FAF1: variants seen among roughly 807,000 people sequenced by gnomAD.
FAF1 encodes the protein Fas associated factor 1, also known as FAS-associated factor 1.
In FAF1, 25 loss-of-function variants were observed where a neutral mutation model predicts 92.5. The ratio of observed to expected loss-of-function variants is 0.27; its 90% CI spans 0.20 to 0.38. The LOEUF is 0.38. Among genes scored for constraint, FAF1 ranks in the 10% least tolerant of loss-of-function variants. The pLI is 1.00. For synonymous variants in FAF1, 234 were observed against 273.2 expected (o/e 0.86, Z 1.42); for missense variants, 636 against 793.3 (o/e 0.80, Z 2.38).
chr1:50,880,432 G>A lies in FAF1; in HGVS notation c.46-22435C>T, dbSNP rs117743346. ...GCCCTAACTCCCAATGTGGCTGGCC[G>A]TATTCGGAGTAAGGAAATAATTAAG... is the stretch of plus-strand genomic sequence containing the variant. On this transcript the variant is annotated intron_variant, in intron 1 of 18. Transcript: ENST00000396153. Among the ~76,000 whole-genome samples, 752 of 152,278 alleles carry A rather than the reference G, an allele frequency of 4.9e-3. 32 individuals are homozygous for A. The East Asian group carries it at 0.082, about 17-fold the overall frequency.
chr1:50,833,136 G>A (rs1021713377), intron 2 of FAF1, among the ~76,000 whole-genome samples: 3 of 152,032 alleles, frequency 2.0e-5, no homozygotes, highest in Admixed American at 2.0e-4. Flanking sequence ...CAGAGTTAGT[G>A]TCAGACTCCG....
At chr1:50,805,124 T>A (rs1662142148) in intron 2 of FAF1, among the ~76,000 whole-genome samples, 1 of 152,186 alleles carries the variant, frequency 6.6e-6, no homozygotes, top group African/African-American at 2.4e-5. Flanking sequence ...TTGGTCAAAA[T>A]AATAGAGAAC....
chr1:50,527,138 G>T (rs1647853797), intron 15 of FAF1, among the ~76,000 whole-genome samples: 1 of 152,144 alleles, frequency 6.6e-6, no homozygotes, highest in Non-Finnish European at 1.5e-5. Flanking sequence ...TTACAGGAGT[G>T]AGCCACTGTG....
At chr1:50,599,819 G>C (rs1203214310) in intron 8 of FAF1, among the ~76,000 whole-genome samples, 1 of 152,072 alleles carries the variant, frequency 6.6e-6, no homozygotes, top group African/African-American at 2.4e-5. Context: ...ATTTGGATTT[G>C]GTATTTAGAC....
intron 7 of FAF1, among the ~76,000 whole-genome samples, chr1:50,689,128 T>C (rs1189530853): frequency 6.6e-6 from 1 of 152,242 alleles, no homozygotes; most frequent in Non-Finnish European, 1.5e-5. Flanking sequence ...AGAATGTGAA[T>C]GTTACTTGAT....
At chr1:50,506,470 C>T (rs1647059695) in intron 15 of FAF1, among the ~76,000 whole-genome samples, 1 of 152,156 alleles carries the variant, frequency 6.6e-6, no homozygotes, top group African/African-American at 2.4e-5. Context: ...AAATCACATT[C>T]ATCTTTCAGG....
intron 7 of FAF1, among the ~76,000 whole-genome samples, chr1:50,660,363 A>T (rs1479958988): frequency 6.6e-6 from 1 of 152,214 alleles, no homozygotes; most frequent in African/African-American, 2.4e-5. Context: ...TGAGCTAAAT[A>T]TCTATCAAAC....
intron 12 of FAF1, among the ~76,000 whole-genome samples, chr1:50,582,174 G>A (rs572728129): frequency 4.8e-4 from 73 of 152,162 alleles, no homozygotes; most frequent in Middle Eastern, 6.8e-3. Context: ...AGTCATTTGC[G>A]TAACTGAAAA....
At chr1:50,846,456 C>T (rs1285063724) in intron 2 of FAF1, 2 of 452,604 alleles carry the variant, frequency 4.4e-6, no homozygotes, top group South Asian at 1.7e-5. Flanking sequence ...CCGCACGCAT[C>T]GAGCCTCCAG....
chr1:50,553,370 A>G (rs1044057451), intron 13 of FAF1, among the ~76,000 whole-genome samples: 2 of 152,248 alleles, frequency 1.3e-5, no homozygotes, highest in African/African-American at 4.8e-5. Flanking sequence ...ATTATCAAGA[A>G]TGATGACAGG....
chr1:50,809,108 G>A (rs1011492557), intron 2 of FAF1, among the ~76,000 whole-genome samples: 2 of 152,102 alleles, frequency 1.3e-5, no homozygotes, highest in Admixed American at 6.5e-5. Flanking sequence ...GAAACTCTGG[G>A]ACATAGCTAA....
intron 1 of FAF1, among the ~76,000 whole-genome samples, chr1:50,942,037 C>G (rs1645137679): frequency 6.6e-6 from 1 of 152,146 alleles, no homozygotes; most frequent in African/African-American, 2.4e-5. Flanking sequence ...ATCTGAGTTC[C>G]AATCCCACCC....
intron 2 of FAF1, among the ~76,000 whole-genome samples, chr1:50,849,093 C>A (rs776621994): frequency 6.6e-6 from 1 of 151,900 alleles, no homozygotes; most frequent in Admixed American, 6.6e-5. Context: ...CCCGCCTCTA[C>A]TAAAAATACA....
chr1:50,548,521 T>C (rs967786831), intron 13 of FAF1, among the ~76,000 whole-genome samples: 1 of 152,234 alleles, frequency 6.6e-6, no homozygotes, highest in Non-Finnish European at 1.5e-5. Flanking sequence ...CTTTTTCTCT[T>C]CCAACTACTT....
chr1:50,591,950 C>CT (rs1232985526), intron 9 of FAF1, among the ~76,000 whole-genome samples: 2 of 152,044 alleles, frequency 1.3e-5, no homozygotes, highest in Non-Finnish European at 2.9e-5. Flanking sequence ...CTCCTCTAGT[C>CT]TTTTTTTATT....
intron 2 of FAF1, among the ~76,000 whole-genome samples, chr1:50,827,472 C>T: frequency 6.6e-6 from 1 of 152,116 alleles, no homozygotes; most frequent in Non-Finnish European, 1.5e-5. Flanking sequence ...ATCTCAAGTA[C>T]CCAGGGTCAC....
intron 8 of FAF1, among the ~76,000 whole-genome samples, chr1:50,648,733 C>T (rs1654709378): frequency 6.6e-6 from 1 of 152,118 alleles, no homozygotes; most frequent in South Asian, 2.1e-4. Flanking sequence ...TCAAGACCAG[C>T]CTGACCAACA....
At chr1:50,484,312 T>A (rs1646736302) in intron 17 of FAF1, among the ~76,000 whole-genome samples, 1 of 152,054 alleles carries the variant, frequency 6.6e-6, no homozygotes, top group South Asian at 2.1e-4. Context: ...GATTTTTGCT[T>A]GCTTCTGGAT....
At chr1:50,485,667 C>CAAAAAAAAAA (rs999538430) in intron 17 of FAF1, among the ~76,000 whole-genome samples, 4 of 13,708 alleles carry the variant, frequency 2.9e-4, no homozygotes, top group African/African-American at 9.4e-4. Context: ...GAGACTGTCT[C>CAAAAAAAAAA]AAAAAAAAAA....
Sources: allele counts gnomAD v4.1 joint callset (sites outside exome capture counted in the v4.1 genomes callset), GRCh38; gene constraint gnomAD v4.1.1; transcripts MANE v1.5; gene names NCBI Gene and HGNC (gene_info 2026-07-23, HGNC 2026-07-21).